Variants in TADA1 observed in about 807,000 individuals in gnomAD.
The protein encoded by TADA1 is transcriptional adapter 1.
A neutral mutation model predicts 39.3 loss-of-function variants in TADA1; 23 were observed. The observed-to-expected ratio is 0.58, with a 90% confidence interval of 0.42 to 0.83. TADA1 has a LOEUF of 0.83. Among genes scored for constraint, TADA1 ranks in the 40% least tolerant of loss-of-function variants. The probability of loss-of-function intolerance (pLI) is 0.00; values close to 1 mark genes in which losing one functional copy is unlikely to be tolerated. For synonymous variants in TADA1, 137 were observed against 151.8 expected (o/e 0.90, Z 0.72); for missense variants, 352 against 408.1 (o/e 0.86, Z 1.18).
chr1:166,861,809 C>T (rs941505737), intron 5 of TADA1, among the ~76,000 whole-genome samples: 6 of 152,186 alleles, frequency 3.9e-5, no homozygotes, highest in African/African-American at 1.2e-4. Context: ...AATCCCAGCA[C>T]CTTGGGAGGC....
At chr1:166,871,301 GCTT>G (rs1245878494) in intron 1 of TADA1, among the ~76,000 whole-genome samples, 1 of 152,140 alleles carries the variant, frequency 6.6e-6, no homozygotes, top group African/African-American at 2.4e-5. Context: ...TAAGGAAGCT[GCTT>G]CTTATTATGG....
chr1:166,869,163 G>T, intron 3 of TADA1: 1 of 398,120 alleles, frequency 2.5e-6, no homozygotes, highest in South Asian at 3.0e-5. Context: ...AGCTTTGGAT[G>T]ACACTGAAAG....
intron 3 of TADA1, among the ~76,000 whole-genome samples, chr1:166,864,126 A>AT (rs1355117319): frequency 6.6e-6 from 1 of 152,108 alleles, no homozygotes; most frequent in Non-Finnish European, 1.5e-5. Context: ...TGCAACTAAA[A>AT]TTTTTTTAGG....
At chr1:166,869,891 T>G (rs1185804471) in intron 1 of TADA1, 37 bp from the exon 2 acceptor site, 1 of 1,553,162 alleles carries the variant, frequency 6.4e-7, no homozygotes, top group Admixed American at 1.8e-5. Context: ...ACCACAGATT[T>G]GGCTGCTTCT....
intron 1 of TADA1, among the ~76,000 whole-genome samples, chr1:166,875,444 G>A (rs1269658960): frequency 6.6e-6 from 1 of 152,138 alleles, no homozygotes; most frequent in African/African-American, 2.4e-5. Flanking sequence ...AATCAAAAGC[G>A]TGGGTCCCAA....
intron 1 of TADA1, among the ~76,000 whole-genome samples, chr1:166,873,913 T>C (rs552342387): frequency 7.2e-5 from 11 of 152,076 alleles, no homozygotes; most frequent in African/African-American, 2.2e-4. Flanking sequence ...GAGGTCACCA[T>C]TGCATCTAAT....
In TADA1 at chr1:166,863,821, T is replaced by A; in HGVS notation, c.330+3A>T. 1 of 1,612,168 alleles carries A rather than the reference T, an allele frequency of 6.2e-7. No homozygotes were observed. Among genetic ancestry groups the A allele is most frequent in the Non-Finnish European group, 8.5e-7 (1 of 1,179,524 alleles). ...TATCAAGACCTATTAAAGAACAACC[T>A]ACATCAAATTTCTGACGAACAGAAG... On this transcript the variant is annotated splice_donor_region_variant and intron_variant, in intron 4 of 7. Transcript: ENST00000367874.
chr1:166,861,923 G>C (rs1329308067), intron 5 of TADA1, among the ~76,000 whole-genome samples: 1 of 151,988 alleles, frequency 6.6e-6, no homozygotes, highest in African/African-American at 2.4e-5. Flanking sequence ...AGCTGAGTAT[G>C]GTGGCGCACG....
intron 4 of TADA1, chr1:166,862,664 T>C (rs1658441115): frequency 1.9e-6 from 1 of 525,630 alleles, no homozygotes; most frequent in Non-Finnish European, 3.4e-6. Flanking sequence ...AATTAATACC[T>C]TGGTGATCAC....
chr1:166,869,176 G>A, intron 3 of TADA1: 1 of 440,118 alleles, frequency 2.3e-6, no homozygotes, highest in Non-Finnish European at 4.3e-6. Context: ...ACTGAAAGGG[G>A]TTCAGGAGGT....
At chr1:166,860,976 G>A (rs1292186337) in intron 5 of TADA1, among the ~76,000 whole-genome samples, 1 of 152,192 alleles carries the variant, frequency 6.6e-6, no homozygotes, top group Non-Finnish European at 1.5e-5. Context: ...TTTAAAAAGA[G>A]ACAAACTATG....
chr1:166,859,737 C>A (rs1658365321), intron 6 of TADA1, among the ~76,000 whole-genome samples: 2 of 151,992 alleles, frequency 1.3e-5, no homozygotes, highest in South Asian at 2.1e-4. Flanking sequence ...GCTATGCCTA[C>A]AAGAGCCAGA....
In TADA1 at chr1:166,869,748, A is replaced by C. The variant is rs199817152; in HGVS notation, c.166+15T>G. 1 of 1,579,616 alleles carries C rather than the reference A, an allele frequency of 6.3e-7. No homozygotes were observed. Among genetic ancestry groups the C allele is most frequent in the Non-Finnish European group, 8.7e-7 (1 of 1,149,392 alleles). On this transcript the variant is annotated intron_variant, in intron 2 of 7. Coordinates refer to ENST00000367874, the MANE Select transcript of TADA1 (RefSeq NM_053053.4). ...CTACAGAATAGTAAAATAACTCTGC[A>C]GATAATTATTTTACCATTATCCTGT...
rs1019811353 is a variant in TADA1, at chr1:166,857,461, G to T, written c.*106C>A. On this transcript the variant is annotated 3_prime_UTR_variant, in exon 8 of 8. Coordinates refer to ENST00000367874, the MANE Select transcript of TADA1 (RefSeq NM_053053.4). The stretch of plus-strand genomic sequence containing the variant: ...TCAATGTCACATTTCCATAGGAAAG[G>T]TTATATATACACTATACACTTCAGC... The T allele has an allele frequency of 2.3e-6, 3 of 1,284,682 alleles. No homozygotes were observed. The highest frequency in any genetic ancestry group is 2.9e-5 in the South Asian group (2 of 69,512). 79.6% of individuals were successfully genotyped at this position (1,284,682 alleles called of 1,614,324 possible).
At chr1:166,871,378 C>T (rs1341652024) in intron 1 of TADA1, among the ~76,000 whole-genome samples, 1 of 152,124 alleles carries the variant, frequency 6.6e-6, no homozygotes, top group African/African-American at 2.4e-5. Context: ...GATTTCTCAA[C>T]GGGATGATTT....
At chr1:166,873,788 G>C (rs1658707060) in intron 1 of TADA1, among the ~76,000 whole-genome samples, 1 of 152,188 alleles carries the variant, frequency 6.6e-6, no homozygotes, top group Non-Finnish European at 1.5e-5. Context: ...TTCAGCATCA[G>C]TATTTGACCA....
intron 6 of TADA1, 88 bp from the exon 7 acceptor site, chr1:166,858,369 A>C (rs1378213696): frequency 2.0e-6 from 2 of 1,011,514 alleles, no homozygotes; most frequent in Non-Finnish European, 2.8e-6. Context: ...TTATTTAAAA[A>C]ATCTTTAATT....
In TADA1 at chr1:166,860,200, G is replaced by T. The variant is rs746010660; in HGVS notation, c.678C>A (p.Asn226Lys). The T allele has an allele frequency of 6.3e-7, 1 of 1,599,824 alleles. No individual in the cohort carries two copies. The highest frequency in any genetic ancestry group is 8.5e-7 in the Non-Finnish European group (1 of 1,175,746). ...ACTTCATTTACCTTTCTATTAAGTT[G>T]TTGTAAGCTACTACACTATTCTTCA... ...PYLKNSVVAY[N>K]NLIESPPAFT... is the part of the protein sequence containing the mutation. The change falls in exon 6 of 8, where the codon AAC (asparagine) becomes AAA (lysine). Residue 226 changes from asparagine to lysine, a missense_variant. Asn to Lys is a moderately conservative substitution (Grantham distance 94, BLOSUM62 0). Coordinates refer to ENST00000367874, the MANE Select transcript of TADA1 (RefSeq NM_053053.4).
At chr1:166,874,288 G>A (rs564734148) in intron 1 of TADA1, among the ~76,000 whole-genome samples, 132 of 151,620 alleles carry the variant, frequency 8.7e-4, no homozygotes, top group African/African-American at 2.9e-3. Context: ...TGCAGTGAGC[G>A]GAGATCATGC....
Sources: allele counts gnomAD v4.1 joint callset (sites outside exome capture counted in the v4.1 genomes callset), GRCh38; gene constraint gnomAD v4.1.1; transcripts MANE v1.5; gene names NCBI Gene and HGNC (gene_info 2026-07-23, HGNC 2026-07-21).